COL21A1: variants seen among roughly 807,000 people sequenced by gnomAD.
COL21A1 encodes the protein collagen alpha-1(XXI) chain.
Under a neutral mutation model 137.9 loss-of-function variants are expected in COL21A1, and 149 were observed. The observed-to-expected ratio is 1.08, with a 90% CI of 0.95 to 1.24. The LOEUF (loss-of-function observed/expected upper bound fraction) is 1.24, where lower values mean the gene tolerates loss of function less well. COL21A1 is among the 50% of genes most tolerant of loss of function. COL21A1 has a pLI of 0.00. For synonymous variants in COL21A1, 456 were observed against 391.5 expected (o/e 1.16, Z -1.95); for missense variants, 1,167 against 1,158.4 (o/e 1.01, Z -0.11).
chr6:56,286,155 G>T lies in COL21A1; in HGVS notation c.-38-103499C>A, dbSNP rs1474416448. On this transcript the variant is annotated intron_variant, in intron 1 of 28. Transcript: ENST00000370819. The stretch of plus-strand genomic sequence containing the variant: ...TAGGCCATGATACAGTTTATGCAAG[G>T]TTTAAACAGGGCAAATTCAAAACAA... Among the ~76,000 whole-genome samples, 3 of 152,160 alleles carry T rather than the reference G, an allele frequency of 2.0e-5. No individual in the cohort carries two copies. In the East Asian group the frequency reaches 5.8e-4, roughly 29 times the overall value.
chr6:56,205,969 A>G (rs1779752054), intron 1 of COL21A1, among the ~76,000 whole-genome samples: 2 of 152,232 alleles, frequency 1.3e-5, no homozygotes, highest in African/African-American at 4.8e-5. Flanking sequence ...GCCTTACAAG[A>G]GCTCCTGAAG....
rs116434006 is a variant in COL21A1, at chr6:56,348,097, G to A, written c.-39+45874C>T. Among the ~76,000 whole-genome samples, 611 of 152,244 alleles carry A rather than the reference G, an allele frequency of 4.0e-3. 4 individuals are homozygous for A. Among genetic ancestry groups the A allele is most frequent in the African/African-American group, 0.013 (559 of 41,560 alleles). On this transcript the variant is annotated intron_variant, in intron 1 of 28. Transcript: ENST00000370819. ...GTTGTGATTGGAGCAGCAAGAGAGGGCCCTCTTCATTCATTCATTTATTGA... is the reference window on the plus strand; with the variant it reads ...GTTGTGATTGGAGCAGCAAGAGAGGACCCTCTTCATTCATTCATTTATTGA...
At chr6:56,202,704 T>G (rs1295043569) in intron 1 of COL21A1, among the ~76,000 whole-genome samples, 1 of 152,184 alleles carries the variant, frequency 6.6e-6, no homozygotes. Context: ...ATTTCTTGAT[T>G]GGGTTGTACA....
At chr6:56,364,704 G>A (rs1008918121) in intron 1 of COL21A1, among the ~76,000 whole-genome samples, 8 of 151,056 alleles carry the variant, frequency 5.3e-5, no homozygotes, top group African/African-American at 2.0e-4. Context: ...ACTACAAAGA[G>A]CAGCTATGAT....
At chr6:56,227,253 T>A (rs1781267101) in intron 1 of COL21A1, among the ~76,000 whole-genome samples, 1 of 152,010 alleles carries the variant, frequency 6.6e-6, no homozygotes, top group Non-Finnish European at 1.5e-5. Context: ...CTGTGTAATA[T>A]GACATGCTAG....
At chr6:56,365,293 TA>T (rs1269358114) in intron 1 of COL21A1, among the ~76,000 whole-genome samples, 1 of 152,216 alleles carries the variant, frequency 6.6e-6, no homozygotes, top group Non-Finnish European at 1.5e-5. Flanking sequence ...AAAGCTTGCA[TA>T]ATGGATTATT....
rs187958591 is a variant in COL21A1 at position 56,097,222 on chromosome 6, C to T, written c.1812+4250G>A. Among the ~76,000 whole-genome samples the T allele has an allele frequency of 4.5e-3, 684 of 152,158 alleles. 5 individuals are homozygous for T. The highest frequency in any genetic ancestry group is 0.031 in the Middle Eastern group (9 of 294). On this transcript the variant is annotated intron_variant, in intron 17 of 29. Coordinates refer to ENST00000244728, the MANE Select transcript of COL21A1 (RefSeq NM_030820.4). ...GAATGGAAGAAAAGAAGTAAAGGAA[C>T]CTCTCCTGTGTTCCCCAATCCATTG...
intron 1 of COL21A1, among the ~76,000 whole-genome samples, chr6:56,245,754 A>G (rs1253719152): frequency 6.6e-6 from 1 of 152,222 alleles, no homozygotes. Flanking sequence ...GCCTCAGACC[A>G]AAGTTCCTGT....
At chr6:56,232,089 C>T (rs1211894735) in intron 1 of COL21A1, among the ~76,000 whole-genome samples, 1 of 151,810 alleles carries the variant, frequency 6.6e-6, no homozygotes, top group African/African-American at 2.4e-5. Context: ...AGAACTAGTA[C>T]ATATAACCTT....
At chr6:56,106,040 A>G (rs1770853382) in intron 16 of COL21A1, among the ~76,000 whole-genome samples, 1 of 152,230 alleles carries the variant, frequency 6.6e-6, no homozygotes, top group African/African-American at 2.4e-5. Context: ...GAAAAATACT[A>G]TAATAATCAT....
intron 10 of COL21A1, among the ~76,000 whole-genome samples, chr6:56,153,133 TG>T (rs1260597366): frequency 1.3e-5 from 2 of 152,186 alleles, no homozygotes; most frequent in Admixed American, 1.3e-4. Context: ...TGGCATATAA[TG>T]GGGGTCGAAG....
intron 9 of COL21A1, among the ~76,000 whole-genome samples, chr6:56,159,634 C>CTTTTTTT (rs11449474): frequency 8.1e-6 from 1 of 123,578 alleles, no homozygotes; most frequent in Non-Finnish European, 1.7e-5. Context: ...CCTGGCCTTA[C>CTTTTTTT]TTTTTTTTTT....
chr6:56,264,336 T>A (rs1228694300), intron 1 of COL21A1, among the ~76,000 whole-genome samples: 1 of 152,158 alleles, frequency 6.6e-6, no homozygotes, highest in Non-Finnish European at 1.5e-5. Flanking sequence ...CCCACTCTCA[T>A]CCCACCACTT....
chr6:56,209,117 A>C (rs181367082), intron 1 of COL21A1, among the ~76,000 whole-genome samples: 156 of 152,320 alleles, frequency 1.0e-3, no homozygotes, highest in African/African-American at 3.7e-3. Flanking sequence ...GGCATCTTAT[A>C]TAAAAATTAA....
chr6:56,313,217 A>G (rs1764652096), intron 1 of COL21A1, among the ~76,000 whole-genome samples: 2 of 152,102 alleles, frequency 1.3e-5, no homozygotes, highest in Admixed American at 1.3e-4. Context: ...TATACACTGC[A>G]CAAAACAGTC....
At chr6:56,296,492 A>C (rs1346222516) in intron 1 of COL21A1, among the ~76,000 whole-genome samples, 1 of 151,968 alleles carries the variant, frequency 6.6e-6, no homozygotes, top group African/African-American at 2.4e-5. Context: ...TGATACGTTT[A>C]AAGTATTACG....
intron 17 of COL21A1, among the ~76,000 whole-genome samples, chr6:56,080,153 A>G (rs1767624078): frequency 6.6e-6 from 1 of 151,826 alleles, no homozygotes; most frequent in Non-Finnish European, 1.5e-5. Flanking sequence ...TGTTGATCGC[A>G]AAGTATTTAG....
intron 12 of COL21A1, among the ~76,000 whole-genome samples, chr6:56,137,349 C>T (rs1234737631): frequency 6.6e-6 from 1 of 152,094 alleles, no homozygotes; most frequent in Non-Finnish European, 1.5e-5. Flanking sequence ...GCACCCAATA[C>T]ATAAAGTTTT....
chr6:56,179,597 C>T lies in COL21A1; in HGVS notation c.621G>A (p.Met207Ile). 6.2e-7 allele frequency: 1 copy of T among 1,608,492 alleles called. No homozygotes were observed. Among genetic ancestry groups the T allele is most frequent in the East Asian group, 2.2e-5 (1 of 44,798 alleles). ...YIAISKIREV[M>I]KQKLCEESVC... ...GCTTACCTTCACAAAGTTTCTGCTT[C>T]ATCACTTCCCTTATTTTGGATATTG... Residue 207 changes from methionine to isoleucine, a missense_variant, in exon 3 of 30, where the codon ATG becomes ATA. By Grantham distance (10) the Met-to-Ile change is conservative. Coordinates refer to ENST00000244728, the MANE Select transcript of COL21A1 (RefSeq NM_030820.4).
Sources: gnomAD v4.1 joint callset for allele counts (sites outside exome capture counted in the v4.1 genomes callset) on GRCh38, gnomAD v4.1.1 for gene constraint, MANE v1.5 for transcripts, NCBI Gene and HGNC (gene_info 2026-07-23, HGNC 2026-07-21) for gene names.